ROR1: variants seen among roughly 807,000 people sequenced by gnomAD.
The protein encoded by ROR1 is inactive tyrosine-protein kinase transmembrane receptor ROR1.
Under a neutral mutation model 78.8 loss-of-function variants are expected in ROR1, and 19 were observed. The ratio of observed to expected loss-of-function variants is 0.24; its 90% CI spans 0.17 to 0.35. The LOEUF (loss-of-function observed/expected upper bound fraction) is 0.35. Ranked by LOEUF, ROR1 falls within the 10% of genes least tolerant of loss-of-function variation. The probability of loss-of-function intolerance (pLI) is 1.00; values close to 1 mark genes in which losing one functional copy is unlikely to be tolerated. For missense variants in ROR1, 917 were observed against 1,177.8 expected (o/e 0.78, Z 3.24); for synonymous variants, 386 against 433.6 (o/e 0.89, Z 1.36).
chr1:63,854,537 T>C (rs1645136234), intron 1 of ROR1, among the ~76,000 whole-genome samples: 1 of 152,224 alleles, frequency 6.6e-6, no homozygotes, highest in African/African-American at 2.4e-5. Flanking sequence ...CTTTCCCTAG[T>C]GGAGTTAACT....
intron 8 of ROR1, among the ~76,000 whole-genome samples, chr1:64,169,929 C>A (rs964877378): frequency 6.6e-6 from 1 of 152,224 alleles, no homozygotes; most frequent in Admixed American, 6.5e-5. Flanking sequence ...TGTCTCACAT[C>A]CAGGTGACTC....
rs531007450 is a variant in ROR1, at chr1:63,870,122, T to C, written c.91+95614T>C. Among the ~76,000 whole-genome samples, 15 of 152,322 alleles carry C rather than the reference T, an allele frequency of 9.8e-5. No homozygotes were observed. In the South Asian group the frequency reaches 1.0e-3, roughly 11 times the overall value. ...TATTTGTGTGTTCACTCATAGTCCT[T>C]ATCCATGAATTCATAACTTTTGCAC... On this transcript the variant is annotated intron_variant, in intron 1 of 8. Transcript: ENST00000371079.
chr1:64,049,696 T>A lies in ROR1; in HGVS notation c.169T>A (p.Tyr57Asn), dbSNP rs1386169303. ...NISSELNKDS[Y>N]LTLDEPMNNI... is the part of the protein sequence containing the mutation. ...CCTCCTCTCTGTGCTCACAGATTCTTACCTGACCCTCGATGAACCAATGAA... is the reference window on the plus strand; with the variant it reads ...CCTCCTCTCTGTGCTCACAGATTCTAACCTGACCCTCGATGAACCAATGAA... The change falls in exon 3 of 9, where the codon TAC (tyrosine) becomes AAC (asparagine). Residue 57 changes from tyrosine (Y) to asparagine (N), a missense_variant. Physicochemically the swap from Tyr to Asn is moderately radical, Grantham distance 143. This residue lies in a region of ROR1 where 19 missense variants were observed against 50.9 expected (regional missense o/e 0.37). Transcript: ENST00000371079. 6.2e-7 allele frequency: 1 copy of A among 1,613,574 alleles called. No individual in the cohort carries two copies. The highest frequency in any genetic ancestry group is 1.1e-5 in the South Asian group (1 of 91,050).
At chr1:63,892,184 C>A (rs1307323781) in intron 1 of ROR1, among the ~76,000 whole-genome samples, 1 of 152,156 alleles carries the variant, frequency 6.6e-6, no homozygotes, top group African/African-American at 2.4e-5. Flanking sequence ...AGACACAGTT[C>A]ATTTCCTTGA....
In ROR1 at chr1:63,774,928, G is replaced by T. The variant is rs1467490804; in HGVS notation, c.91+420G>T. The stretch of plus-strand genomic sequence containing the variant: ...AGTTGCGAGCCGGCCCGGAAGGCGC[G>T]GTCCAGGAGGGAGTTTGGATTTTCA... On this transcript the variant is annotated intron_variant, in intron 1 of 8. Transcript: ENST00000371079. The surrounding 1 kb of genome is among the most constrained non-coding windows in gnomAD (Gnocchi z 5.7). Among the ~76,000 whole-genome samples, 1 of 152,116 alleles carries T rather than the reference G, an allele frequency of 6.6e-6. No individual in the cohort carries two copies. The highest frequency in any genetic ancestry group is 2.4e-5 in the African/African-American group (1 of 41,438).
At chr1:64,032,532 A>G (rs762627407) in intron 2 of ROR1, among the ~76,000 whole-genome samples, 8 of 152,134 alleles carry the variant, frequency 5.3e-5, no homozygotes, top group Non-Finnish European at 1.0e-4. Flanking sequence ...ACATGACCCA[A>G]AGAAAAGAAT....
intron 6 of ROR1, among the ~76,000 whole-genome samples, chr1:64,140,804 A>C (rs138413400): frequency 2.0e-5 from 3 of 152,378 alleles, no homozygotes; most frequent in Admixed American, 2.0e-4. Context: ...CCCAAATGCC[A>C]TCAGTAGAGG....
intron 8 of ROR1, among the ~76,000 whole-genome samples, chr1:64,175,563 T>A (rs1375842945): frequency 6.6e-6 from 1 of 152,214 alleles, no homozygotes; most frequent in Non-Finnish European, 1.5e-5. Flanking sequence ...TCAGCACAAG[T>A]AAACTTTCTA....
chr1:64,001,586 AC>A (rs1035479700), intron 1 of ROR1, among the ~76,000 whole-genome samples: 3 of 151,294 alleles, frequency 2.0e-5, no homozygotes, highest in African/African-American at 7.4e-5. Flanking sequence ...TGGTCTTTAC[AC>A]AGCTTTTGAT....
At chr1:64,052,291 C>G (rs1646839595) in intron 4 of ROR1, among the ~76,000 whole-genome samples, 1 of 151,154 alleles carries the variant, frequency 6.6e-6, no homozygotes, top group African/African-American at 2.4e-5. Flanking sequence ...AAAAATGTCT[C>G]CCACCCTGGT....
intron 1 of ROR1, among the ~76,000 whole-genome samples, chr1:63,982,998 T>C (rs528742347): frequency 6.6e-6 from 1 of 152,338 alleles, no homozygotes; most frequent in Admixed American, 6.5e-5. Context: ...ATATATAGTA[T>C]GTACTCTGTA....
At chr1:64,112,300 G>A (rs1429831353) in intron 4 of ROR1, 1 of 152,144 alleles carries the variant, frequency 6.6e-6, no homozygotes, top group Non-Finnish European at 1.5e-5. Flanking sequence ...GTGCTATTGT[G>A]ATGTTTATCA....
chr1:64,030,546 C>G lies in ROR1; in HGVS notation c.164-19145C>G, dbSNP rs563612537. Reference sequence around the variant, plus strand: ...TCTGATATAAGATCATGTAGCCTACCTCCGTCACTCATTCCTTCATGGAGA... The same window carrying G: ...TCTGATATAAGATCATGTAGCCTACGTCCGTCACTCATTCCTTCATGGAGA... On this transcript the variant is annotated intron_variant, in intron 2 of 8. Transcript: ENST00000371079. Among the ~76,000 whole-genome samples, 43 of 152,292 alleles carry G rather than the reference C, an allele frequency of 2.8e-4. No homozygotes were observed. In the South Asian group the frequency reaches 8.7e-3, roughly 31 times the overall value.
intron 1 of ROR1, among the ~76,000 whole-genome samples, chr1:63,846,996 G>A (rs902216189): frequency 2.0e-5 from 3 of 152,174 alleles, no homozygotes; most frequent in Non-Finnish European, 4.4e-5. Context: ...GCTGGCTTCC[G>A]TGGGCCTCTG....
At chr1:64,002,433 CT>C (rs1410598904) in intron 1 of ROR1, among the ~76,000 whole-genome samples, 6 of 152,162 alleles carry the variant, frequency 3.9e-5, no homozygotes, top group Non-Finnish European at 8.8e-5. Flanking sequence ...CTGGTTCGAG[CT>C]TTTTCATCCG....
At chr1:63,819,658 T>C (rs899990297) in intron 1 of ROR1, among the ~76,000 whole-genome samples, 1 of 152,108 alleles carries the variant, frequency 6.6e-6, no homozygotes, top group Non-Finnish European at 1.5e-5. Flanking sequence ...AAAATACCTG[T>C]TGGTTGAAAT....
chr1:63,801,564 G>A (rs2100255544), intron 1 of ROR1, among the ~76,000 whole-genome samples: 1 of 152,158 alleles, frequency 6.6e-6, no homozygotes, highest in Non-Finnish European at 1.5e-5. Context: ...CAAAGTGTTG[G>A]GATTACAGAT....
intron 2 of ROR1, among the ~76,000 whole-genome samples, chr1:64,021,031 A>T (rs1001746091): frequency 2.2e-4 from 9 of 40,394 alleles, no homozygotes; most frequent in African/African-American, 5.1e-4. Flanking sequence ...TTATTTGCTT[A>T]AAAAAAAAAA....
intron 1 of ROR1, among the ~76,000 whole-genome samples, chr1:63,855,065 G>A (rs11208306): frequency 0.21 from 32,187 of 151,752 alleles, 3,623 homozygotes; most frequent in Middle Eastern, 0.26. Flanking sequence ...TGGAACCTGG[G>A]GATATGGAGG....
Sources: gnomAD v4.1 joint callset for allele counts (sites outside exome capture counted in the v4.1 genomes callset) on GRCh38, gnomAD v4.1.1 for gene constraint, gnomAD v4.1.1 regional missense constraint, Gnocchi (gnomAD v3.1) non-coding constraint, MANE v1.5 for transcripts, NCBI Gene and HGNC (gene_info 2026-07-23, HGNC 2026-07-21) for gene names.